The following TAFA4 variants were observed in gnomAD, a reference collection of about 807,000 sequenced individuals.
TAFA4 encodes the protein chemokine-like protein TAFA-4.
In TAFA4, 20 loss-of-function variants were observed where a neutral mutation model predicts 21.1. That is an observed-to-expected ratio of 0.95 (90% confidence interval 0.67 to 1.38). The LOEUF is 1.38. Ranked by LOEUF, TAFA4 falls within the 40% of genes most tolerant of loss-of-function variation. The probability of loss-of-function intolerance (pLI) is 0.00; values close to 1 mark genes in which losing one functional copy is unlikely to be tolerated. For missense variants in TAFA4, 211 were observed against 180.9 expected, an observed-to-expected ratio of 1.17 and a Z score of -0.95; for synonymous variants, 71 against 67.4, an observed-to-expected ratio of 1.05 and a Z score of -0.26.
chr3:68,895,927 G>A (rs896589110), intron 1 of TAFA4, among the ~76,000 whole-genome samples: 1 of 152,210 alleles, frequency 6.6e-6, no homozygotes, highest in African/African-American at 2.4e-5. Context: ...TTAGCTACTT[G>A]GAGTGGGTGT....
At chr3:68,851,650 A>G (rs1704953494) in intron 3 of TAFA4, among the ~76,000 whole-genome samples, 1 of 152,174 alleles carries the variant, frequency 6.6e-6, no homozygotes, top group Admixed American at 6.5e-5. Flanking sequence ...AAATCTATCA[A>G]TATGCACACT....
intron 3 of TAFA4, among the ~76,000 whole-genome samples, chr3:68,848,200 C>T (rs183977136): frequency 1.2e-4 from 18 of 152,252 alleles, no homozygotes; most frequent in African/African-American, 1.7e-4. Context: ...TCACACTATA[C>T]CACCTGGCAA....
At chr3:68,748,295 A>G (rs1411951314) in intron 4 of TAFA4, among the ~76,000 whole-genome samples, 2 of 152,236 alleles carry the variant, frequency 1.3e-5, no homozygotes, top group Non-Finnish European at 2.9e-5. Context: ...ATGTGTCTGC[A>G]CTGAGAAAAA....
chr3:68,795,274 G>A (rs895674282), intron 3 of TAFA4, among the ~76,000 whole-genome samples: 1 of 151,006 alleles, frequency 6.6e-6, no homozygotes, highest in Non-Finnish European at 1.5e-5. Context: ...TTTGACAATT[G>A]TTAGTTTGGG....
intron 1 of TAFA4, among the ~76,000 whole-genome samples, chr3:68,909,278 C>T (rs936313089): frequency 1.1e-4 from 16 of 152,088 alleles, no homozygotes; most frequent in African/African-American, 1.9e-4. Flanking sequence ...TGCAACCCAC[C>T]GGGCAGAATT....
intron 3 of TAFA4, among the ~76,000 whole-genome samples, chr3:68,879,651 TC>T (rs2089593927): frequency 6.6e-6 from 1 of 152,204 alleles, no homozygotes; most frequent in Admixed American, 6.5e-5. Flanking sequence ...TTTCTCATCT[TC>T]TTGGAACTGT....
intron 1 of TAFA4, among the ~76,000 whole-genome samples, chr3:68,903,366 T>A (rs1019143678): frequency 2.6e-5 from 4 of 152,236 alleles, no homozygotes; most frequent in African/African-American, 9.6e-5. Context: ...CCTTCAATTA[T>A]AAACGTCAGC....
chr3:68,878,937 C>T (rs2089584419), intron 3 of TAFA4, among the ~76,000 whole-genome samples: 1 of 152,080 alleles, frequency 6.6e-6, no homozygotes, highest in Non-Finnish European at 1.5e-5. Flanking sequence ...CACCCATCTG[C>T]CAAAACTGGG....
At chr3:68,921,460 A>T (rs1397659051) in intron 1 of TAFA4, among the ~76,000 whole-genome samples, 1 of 152,202 alleles carries the variant, frequency 6.6e-6, no homozygotes, top group African/African-American at 2.4e-5. Context: ...AGTGCAAGAC[A>T]AAGTGAAATC....
In TAFA4 at chr3:68,829,592, G is replaced by A. The variant is rs150915900; in HGVS notation, c.130+51138C>T. 7.3e-3 allele frequency among the ~76,000 whole-genome samples: 1,111 copies of A among 152,270 alleles called. 17 individuals are homozygous for A. Among genetic ancestry groups the A allele is most frequent in the African/African-American group, 0.025 (1,052 of 41,552 alleles). ...ATGTGCTGCTGGATTCGGTTTGCCA[G>A]TATTTTATGGCGGATTTTCGCATCG... is the stretch of plus-strand genomic sequence containing the variant. On this transcript the variant is annotated intron_variant, in intron 3 of 5. Coordinates refer to ENST00000295569, the MANE Select transcript of TAFA4 (RefSeq NM_182522.5).
At chr3:68,896,537 A>G (rs9847748) in intron 1 of TAFA4, among the ~76,000 whole-genome samples, 69,585 of 152,118 alleles carry the variant, frequency 0.46, 17,375 homozygotes, top group East Asian at 0.81. Flanking sequence ...GCAATATGCC[A>G]TTGGTTTTTT....
At chr3:68,815,751 T>G (rs1298655266) in intron 3 of TAFA4, among the ~76,000 whole-genome samples, 2 of 152,210 alleles carry the variant, frequency 1.3e-5, no homozygotes, top group African/African-American at 2.4e-5. Context: ...TGGAAGTCAG[T>G]GTGGCGATTC....
intron 3 of TAFA4, among the ~76,000 whole-genome samples, chr3:68,807,103 C>A (rs1440637228): frequency 6.6e-6 from 1 of 152,190 alleles, no homozygotes; most frequent in Non-Finnish European, 1.5e-5. Flanking sequence ...TCTCTGCAAT[C>A]CTGCCCCTTG....
At chr3:68,855,294 A>C (rs969722457) in intron 3 of TAFA4, among the ~76,000 whole-genome samples, 5 of 152,192 alleles carry the variant, frequency 3.3e-5, no homozygotes, top group African/African-American at 1.2e-4. Flanking sequence ...GAACACCTTG[A>C]TTTATTCTTG....
intron 1 of TAFA4, among the ~76,000 whole-genome samples, chr3:68,927,153 G>A (rs1293952877): frequency 6.6e-6 from 1 of 152,158 alleles, no homozygotes; most frequent in African/African-American, 2.4e-5. Flanking sequence ...TGGTCTGTAA[G>A]TTTCTTCCTT....
chr3:68,826,757 G>T (rs935887009), intron 3 of TAFA4, among the ~76,000 whole-genome samples: 4 of 152,038 alleles, frequency 2.6e-5, no homozygotes, highest in African/African-American at 9.7e-5. Flanking sequence ...GGAGGCTCAA[G>T]AATGAGGAGA....
intron 3 of TAFA4, among the ~76,000 whole-genome samples, chr3:68,802,057 T>A (rs6773337): frequency 1.7e-4 from 26 of 151,882 alleles, no homozygotes; most frequent in African/African-American, 6.3e-4. Flanking sequence ...AATACACATC[T>A]ATGTTCACAA....
intron 1 of TAFA4, chr3:68,916,325 C>G (rs944185450): frequency 2.6e-5 from 4 of 152,192 alleles, no homozygotes; most frequent in Non-Finnish European, 5.9e-5. Flanking sequence ...ATAGCCTTGA[C>G]AGTTTTCTTC....
intron 1 of TAFA4, among the ~76,000 whole-genome samples, chr3:68,905,912 C>A (rs1231480738): frequency 2.0e-5 from 3 of 152,216 alleles, no homozygotes; most frequent in Non-Finnish European, 4.4e-5. Context: ...TTGTTTCTTG[C>A]TAAACTGCCA....
Sources: allele counts gnomAD v4.1 joint callset (sites outside exome capture counted in the v4.1 genomes callset), GRCh38; gene constraint gnomAD v4.1.1; transcripts MANE v1.5; gene names NCBI Gene and HGNC (gene_info 2026-07-23, HGNC 2026-07-21).